Variants in DYNC2H1 observed in about 807,000 individuals in gnomAD.
DYNC2H1 encodes the protein dynein cytoplasmic 2 heavy chain 1.
In DYNC2H1, 410 loss-of-function variants were observed where a neutral mutation model predicts 570.0. The observed-to-expected ratio is 0.72, with a 90% confidence interval of 0.66 to 0.78. The LOEUF is 0.78. Among genes scored for constraint, DYNC2H1 ranks in the 30% least tolerant of loss-of-function variants. The pLI is 0.00. For synonymous variants in DYNC2H1, 1,688 were observed against 1,677.6 expected (o/e 1.01, Z -0.15); for missense variants, 4,865 against 5,046.4 (o/e 0.96, Z 1.09).
intron 70 of DYNC2H1, among the ~76,000 whole-genome samples, chr11:103,273,308 G>A (rs1054535818): frequency 6.6e-6 from 1 of 151,864 alleles, no homozygotes; most frequent in Non-Finnish European, 1.5e-5. Context: ...TCCCACCTCA[G>A]CCTCCCAAAT....
In DYNC2H1 at chr11:103,176,267, A is replaced by G; in HGVS notation, c.5707A>G (p.Arg1903Gly). 6.5e-7 allele frequency: 1 copy of G among 1,529,174 alleles called. No homozygotes were observed. Among genetic ancestry groups the G allele is most frequent in the African/African-American group, 1.4e-5 (1 of 71,882 alleles). The allele number at this position is 1,529,174 out of a possible 1,614,324, so 94.7% of individuals were successfully genotyped here. Residue 1903 changes from arginine (R) to glycine (G), a missense_variant, in exon 37 of 89, where the codon AGG becomes GGG. Physicochemically the swap from Arg to Gly is moderately radical, Grantham distance 125 (BLOSUM62 -2). Coordinates refer to ENST00000375735, the MANE Select transcript of DYNC2H1 (RefSeq NM_001377.3). ...AAGTCATATTGTGGTACAAGCACTG[A>G]GGCTTAATACCATGTCAAAGTTTAC... ...NESHIVVQAL[R>G]LNTMSKFTFT...
chr11:103,339,046 C>A (rs1939304484), intron 82 of DYNC2H1, among the ~76,000 whole-genome samples: 1 of 152,128 alleles, frequency 6.6e-6, no homozygotes, highest in African/African-American at 2.4e-5. Context: ...TACCAGGTGC[C>A]CTAACCCAGG....
intron 83 of DYNC2H1, among the ~76,000 whole-genome samples, chr11:103,384,575 A>G (rs1398927630): frequency 4.6e-5 from 7 of 152,016 alleles, no homozygotes; most frequent in Non-Finnish European, 1.5e-5. Flanking sequence ...TACAACTTAT[A>G]TGCATTTTTT....
rs901137050 is a variant in DYNC2H1 at position 103,157,025 on chromosome 11, C to G, written c.4127+255C>G. ...TTCATAAAATCACTAATTACTTTCT[C>G]TTTTAAATTCAAAAGGCATTTTCAA... is the stretch of plus-strand genomic sequence containing the variant. On this transcript the variant is annotated intron_variant, in intron 26 of 88. Transcript: ENST00000375735. This position sits in a 1 kb window ranked among gnomAD's most constrained non-coding sequence, Gnocchi z 4.2. 1.3e-5 allele frequency among the ~76,000 whole-genome samples: 2 copies of G among 152,146 alleles called. No homozygotes were observed. The highest frequency in any genetic ancestry group is 4.8e-5 in the African/African-American group (2 of 41,444).
At chr11:103,182,980 C>T (rs1189279075) in intron 40 of DYNC2H1, among the ~76,000 whole-genome samples, 2 of 151,888 alleles carry the variant, frequency 1.3e-5, no homozygotes. Context: ...AAAGGGAACA[C>T]TCCCATTAGC....
intron 83 of DYNC2H1, among the ~76,000 whole-genome samples, chr11:103,373,243 T>A (rs1941247194): frequency 6.6e-6 from 1 of 152,188 alleles, no homozygotes; most frequent in South Asian, 2.1e-4. Flanking sequence ...CCCCATTTTT[T>A]AATTGATAAT....
chr11:103,177,917 C>A lies in DYNC2H1; in HGVS notation c.6139+97C>A. 1 of 1,322,374 alleles carries A rather than the reference C, an allele frequency of 7.6e-7. No individual in the cohort carries two copies. The highest frequency in any genetic ancestry group is 1.0e-6 in the Non-Finnish European group (1 of 992,330). 81.9% of individuals were successfully genotyped at this position (1,322,374 alleles called of 1,614,324 possible). On this transcript the variant is annotated intron_variant, in intron 38 of 88. Coordinates refer to ENST00000375735, the MANE Select transcript of DYNC2H1 (RefSeq NM_001377.3). This position sits in a 1 kb window ranked among gnomAD's most constrained non-coding sequence, Gnocchi z 4.4. ...TGTCTTTGTCAAGACTTCTACATGA[C>A]CATAAAGTCATAATTAAGTTAAAAT...
At chr11:103,143,443 A>C in intron 18 of DYNC2H1, 48 bp downstream of exon 18, 1 of 1,523,812 alleles carries the variant, frequency 6.6e-7, no homozygotes, top group Non-Finnish European at 8.8e-7. Flanking sequence ...ATTTTTTGAC[A>C]TGGACAGTAA....
In DYNC2H1 at chr11:103,289,149, C is replaced by T. The variant is rs1866486589; in HGVS notation, c.11095+1544C>T. On this transcript the variant is annotated intron_variant, in intron 75 of 88. Transcript: ENST00000375735. This position sits in a 1 kb window ranked among gnomAD's most constrained non-coding sequence, Gnocchi z 4.2. ...TTCACCCCCACTGTGATTCCATCTC[C>T]AATGTGACCAATCAGCACTCCCCAC... is the stretch of plus-strand genomic sequence containing the variant. 6.6e-6 allele frequency among the ~76,000 whole-genome samples: 1 copy of T among 152,136 alleles called. No homozygotes were observed. Among genetic ancestry groups the T allele is most frequent in the Admixed American group, 6.5e-5 (1 of 15,276 alleles).
In DYNC2H1 at chr11:103,114,164, C is replaced by T; in HGVS notation, c.428C>T (p.Ala143Val). Residue 143 changes from alanine to valine, a missense_variant, in exon 3 of 89, where the codon GCT becomes GTT. By Grantham distance (64) the Ala-to-Val change is moderately conservative. Around this residue, in one of 5 missense-constraint regions of DYNC2H1, gnomAD observed 1,936 missense variants for 1,962.1 expected, o/e 0.99. Coordinates refer to ENST00000375735, the MANE Select transcript of DYNC2H1 (RefSeq NM_001377.3). ...KLQNLLSELEAGLGIVLRRSD... is the reference protein window; with the variant it reads ...KLQNLLSELEVGLGIVLRRSD... ...CAGAATCTTTTGAGTGAACTAGAAG[C>T]TGGGTTGGGTATAGTTCTACGAAGA... 1 of 1,607,992 alleles carries T rather than the reference C, an allele frequency of 6.2e-7. No homozygotes were observed.
Position 103,156,495 on chromosome 11 carries a change from C to T in DYNC2H1, c.3852C>T (p.Ser1284=), listed in dbSNP as rs1475681622. The T allele has an allele frequency of 1.2e-6, 2 of 1,613,510 alleles. No homozygotes were observed. The highest frequency in any genetic ancestry group is 1.7e-6 in the Non-Finnish European group (2 of 1,179,692). ...AVFTLIDYED[S]QSRTMKLIKD... is the part of the protein sequence containing the mutation. The stretch of plus-strand genomic sequence containing the variant: ...TTACATTAATTGATTATGAAGACAG[C>T]CAAAGTCGAACTATGAAGCTGATTA... Residue 1284 remains serine, a synonymous_variant, in exon 26 of 89, where the codon AGC becomes AGT. Transcript: ENST00000375735.
At chr11:103,468,457 C>A in intron 87 of DYNC2H1, 132 bp from the exon 88 acceptor site, 2 of 604,324 alleles carry the variant, frequency 3.3e-6, no homozygotes, top group Non-Finnish European at 5.8e-6. Flanking sequence ...CTCAAAGTAC[C>A]ATAATCTTTG....
intron 84 of DYNC2H1, among the ~76,000 whole-genome samples, chr11:103,433,700 C>G (rs1456167682): frequency 6.6e-6 from 1 of 152,110 alleles, no homozygotes; most frequent in Non-Finnish European, 1.5e-5. Flanking sequence ...CCACATGTTT[C>G]ATTTCATTAC....
rs115849109 is a variant in DYNC2H1, at chr11:103,361,582, T to C, written c.12156+3223T>C. ...CTAGTTTACAATTTCAAAAAGTTTT[T>C]GAAGAAAGCTGTTGTGTAGAAGATG... On this transcript the variant is annotated intron_variant, in intron 83 of 88. Transcript: ENST00000375735. Among the ~76,000 whole-genome samples, 1,246 of 152,264 alleles carry C rather than the reference T, an allele frequency of 8.2e-3. 21 individuals carry two copies. The highest frequency in any genetic ancestry group is 0.028 in the African/African-American group (1,159 of 41,546).
In DYNC2H1 at chr11:103,259,964, G is replaced by A. The variant is rs537897098; in HGVS notation, c.10682G>A (p.Arg3561His). ...LQHMVYEYIC[R>H]CLFKADQLMF... ...CATATGGTATATGAATATATATGTCGTTGTCTATTTAAGGTAAGAAGCATC... is the reference window on the plus strand; with the variant it reads ...CATATGGTATATGAATATATATGTCATTGTCTATTTAAGGTAAGAAGCATC... The change falls in exon 70 of 89, where the codon CGT becomes CAT. Residue 3561 changes from arginine to histidine, a missense_variant. Coordinates refer to ENST00000375735, the MANE Select transcript of DYNC2H1 (RefSeq NM_001377.3). The A allele has an allele frequency of 2.5e-5, 37 of 1,495,754 alleles. No homozygotes were observed. The highest frequency in any genetic ancestry group is 9.2e-5 in the South Asian group (7 of 76,160). The allele number at this position is 1,495,754 out of a possible 1,614,324, so 92.7% of individuals were successfully genotyped here. A position where few individuals can be genotyped will look rare whatever the true frequency, so the allele number is the denominator to read the frequency against.
chr11:103,191,515 A>G lies in DYNC2H1; in HGVS notation c.7438-2A>G, dbSNP rs1555063811. 3.1e-6 allele frequency: 5 copies of G among 1,595,662 alleles called. No homozygotes were observed. Among genetic ancestry groups the G allele is most frequent in the Non-Finnish European group, 3.4e-6 (4 of 1,169,216 alleles). On this transcript the variant is annotated splice_acceptor_variant, in intron 45 of 88. Transcript: ENST00000375735. LOFTEE classifies it high-confidence loss of function. The stretch of plus-strand genomic sequence containing the variant: ...GATTGTTTACTGTATTTTCTTTTTC[A>G]GGTGCGAGCCAAATTTACAGTTGAT...
chr11:103,114,303 G>T, intron 3 of DYNC2H1, 65 bp downstream of exon 3: 1 of 1,412,286 alleles, frequency 7.1e-7, no homozygotes. Flanking sequence ...ATTAGTAAAT[G>T]AACATATTTC....
chr11:103,466,105 C>G (rs1945187150), intron 87 of DYNC2H1, among the ~76,000 whole-genome samples: 1 of 151,200 alleles, frequency 6.6e-6, no homozygotes. Context: ...TAATGTAACA[C>G]AAAAAAAACA....
intron 54 of DYNC2H1, among the ~76,000 whole-genome samples, chr11:103,214,336 T>G (rs996166366): frequency 6.6e-6 from 1 of 152,140 alleles, no homozygotes; most frequent in Non-Finnish European, 1.5e-5. Flanking sequence ...TTTTGGATTT[T>G]TAAAAAAATT....
Sources: gnomAD v4.1 joint callset for allele counts (sites outside exome capture counted in the v4.1 genomes callset) on GRCh38, gnomAD v4.1.1 for gene constraint, gnomAD v4.1.1 regional missense constraint, Gnocchi (gnomAD v3.1) non-coding constraint, MANE v1.5 for transcripts, NCBI Gene and HGNC (gene_info 2026-07-23, HGNC 2026-07-21) for gene names.